The following GRID2 variants were observed in gnomAD, a reference collection of about 807,000 sequenced individuals.
The protein encoded by GRID2 is glutamate ionotropic receptor delta type subunit 2.
GRID2 carries 33 observed loss-of-function variants against 114.8 expected under a neutral mutation model. The ratio of observed to expected loss-of-function variants is 0.29; its 90% CI spans 0.22 to 0.38. GRID2 has a LOEUF of 0.38. Among genes scored for constraint, GRID2 ranks in the 10% least tolerant of loss-of-function variants. GRID2 has a pLI of 1.00. For missense variants in GRID2, 1,184 were observed against 1,257.7 expected (o/e 0.94, Z 0.89); for synonymous variants, 505 against 449.9 (o/e 1.12, Z -1.55).
intron 6 of GRID2, among the ~76,000 whole-genome samples, chr4:93,219,820 G>T (rs1744667283): frequency 6.6e-6 from 1 of 152,144 alleles, no homozygotes; most frequent in African/African-American, 2.4e-5. Context: ...TAATACTTTT[G>T]CTCCTTTCTC....
chr4:93,076,610 C>CTTT (rs56357327), intron 2 of GRID2, among the ~76,000 whole-genome samples: 9 of 96,994 alleles, frequency 9.3e-5, no homozygotes, highest in Non-Finnish European at 1.1e-4. Context: ...TCACCAACCT[C>CTTT]TTTTTTTTTT....
intron 12 of GRID2, among the ~76,000 whole-genome samples, chr4:93,491,967 C>T (rs1727051204): frequency 6.6e-6 from 1 of 151,814 alleles, no homozygotes; most frequent in Admixed American, 6.6e-5. Context: ...CTCATGAAAT[C>T]ATGCTGCTCA....
intron 1 of GRID2, among the ~76,000 whole-genome samples, chr4:92,348,835 A>C (rs1190247856): frequency 1.3e-5 from 2 of 152,142 alleles, no homozygotes; most frequent in Non-Finnish European, 2.9e-5. Flanking sequence ...AACTCTGTGG[A>C]ATTATAGTAG....
intron 2 of GRID2, among the ~76,000 whole-genome samples, chr4:92,720,044 A>G (rs2149316704): frequency 6.6e-6 from 1 of 152,262 alleles, no homozygotes; most frequent in South Asian, 2.1e-4. Flanking sequence ...ACATATATTA[A>G]GAATTGATTC....
rs555246126 is a variant in GRID2, at chr4:93,296,289, C to T, written c.1245+57799C>T. Among the ~76,000 whole-genome samples, 68 of 152,164 alleles carry T rather than the reference C, an allele frequency of 4.5e-4. 1 individual carries two copies. The highest frequency in any genetic ancestry group is 8.1e-4 in the Non-Finnish European group (55 of 68,004). On this transcript the variant is annotated intron_variant, in intron 8 of 15. Coordinates refer to ENST00000282020, the MANE Select transcript of GRID2 (RefSeq NM_001510.4). ...TAATAAGGAAATGTGATTGGATTTA[C>T]GGATCCCCCCCTCCCACCCCACAGA...
At chr4:92,833,939 C>T (rs1742287169) in intron 2 of GRID2, 1 of 152,166 alleles carries the variant, frequency 6.6e-6, no homozygotes, top group Non-Finnish European at 1.5e-5. Flanking sequence ...ACATGGAAAA[C>T]TAACTGCTTT....
chr4:93,546,864 T>G (rs1213064749), intron 13 of GRID2, among the ~76,000 whole-genome samples: 4 of 152,184 alleles, frequency 2.6e-5, no homozygotes, highest in African/African-American at 9.6e-5. Flanking sequence ...GAGGTCCTGG[T>G]ACCTACTCTT....
chr4:93,521,989 G>A (rs577310539), intron 13 of GRID2, among the ~76,000 whole-genome samples: 6 of 152,272 alleles, frequency 3.9e-5, no homozygotes, highest in Non-Finnish European at 5.9e-5. Context: ...GACATATACA[G>A]TATCTGTATA....
chr4:93,192,900 T>G (rs1741128555), intron 4 of GRID2, among the ~76,000 whole-genome samples: 1 of 152,182 alleles, frequency 6.6e-6, no homozygotes. Flanking sequence ...ATGAGATAAT[T>G]ATTTGTTCTG....
intron 14 of GRID2, among the ~76,000 whole-genome samples, chr4:93,648,300 G>A (rs941509729): frequency 5.3e-5 from 8 of 152,074 alleles, no homozygotes; most frequent in African/African-American, 1.2e-4. Flanking sequence ...ATGGATTTAG[G>A]ATTTATCAAT....
chr4:93,650,131 TTAAA>T (rs1294024935), intron 14 of GRID2, among the ~76,000 whole-genome samples: 1 of 152,056 alleles, frequency 6.6e-6, no homozygotes, highest in African/African-American at 2.4e-5. Context: ...CTATCTCACT[TTAAA>T]TAGCCTGTCC....
rs114195300 is a variant in GRID2, at chr4:93,359,740, A to G, written c.1246-35867A>G. On this transcript the variant is annotated intron_variant, in intron 8 of 15. Transcript: ENST00000282020. ...GCTTGGCTATGGTATTTGCTTAGCA[A>G]ATGAAACAGTAGCTCCAACATCATG... 5.8e-3 allele frequency among the ~76,000 whole-genome samples: 807 copies of G among 140,126 alleles called. 7 individuals are homozygous for G. Among genetic ancestry groups the G allele is most frequent in the African/African-American group, 0.02 (765 of 38,398 alleles). The allele number at this position is 140,126 out of a possible 152,430, so 91.9% of individuals were successfully genotyped here.
chr4:93,177,950 A>G (rs910791613), intron 4 of GRID2, among the ~76,000 whole-genome samples: 12 of 151,926 alleles, frequency 7.9e-5, no homozygotes, highest in Non-Finnish European at 1.8e-4. Flanking sequence ...ATAAAAAACT[A>G]CTATTTGTCA....
chr4:93,499,652 C>A (rs977239794), intron 12 of GRID2, among the ~76,000 whole-genome samples: 2 of 151,816 alleles, frequency 1.3e-5, no homozygotes, highest in African/African-American at 2.4e-5. Context: ...CTTCTCTTTG[C>A]GATTTTAAGT....
chr4:93,538,077 T>G (rs1191601981), intron 13 of GRID2, among the ~76,000 whole-genome samples: 3 of 151,916 alleles, frequency 2.0e-5, no homozygotes, highest in African/African-American at 7.2e-5. Context: ...TTTTATTCGT[T>G]TATTAAAAAT....
intron 2 of GRID2, among the ~76,000 whole-genome samples, chr4:92,658,912 A>G (rs2149267629): frequency 6.8e-6 from 1 of 147,822 alleles, no homozygotes; most frequent in South Asian, 2.3e-4. Context: ...ACACATTTGC[A>G]TGTAGACATA....
chr4:93,694,203 C>G (rs905353238), intron 14 of GRID2, among the ~76,000 whole-genome samples: 1 of 152,166 alleles, frequency 6.6e-6, no homozygotes, highest in African/African-American at 2.4e-5. Context: ...ATTGCACTTT[C>G]ATTTCTGTGA....
rs148225197 is a variant in GRID2, at chr4:92,704,265, A to G, written c.244+113979A>G. Among the ~76,000 whole-genome samples the G allele has an allele frequency of 9.9e-4, 151 of 152,218 alleles. 1 individual carries two copies. The highest frequency in any genetic ancestry group is 1.7e-3 in the Non-Finnish European group (114 of 68,002). Reference sequence around the variant, plus strand: ...TGCACTCCAGCCTGGGCGACAGAGCAAGACTCCATCTCAAAATGATAATAA... The same window carrying G: ...TGCACTCCAGCCTGGGCGACAGAGCGAGACTCCATCTCAAAATGATAATAA... On this transcript the variant is annotated intron_variant, in intron 2 of 15. Transcript: ENST00000282020.
intron 14 of GRID2, among the ~76,000 whole-genome samples, chr4:93,692,940 C>T (rs1057176600): frequency 1.3e-5 from 2 of 152,120 alleles, no homozygotes; most frequent in East Asian, 3.9e-4. Context: ...TGATTGCCTA[C>T]AAGTATCATT....
Sources: gnomAD v4.1 joint callset for allele counts (sites outside exome capture counted in the v4.1 genomes callset) on GRCh38, gnomAD v4.1.1 for gene constraint, MANE v1.5 for transcripts, NCBI Gene and HGNC (gene_info 2026-07-23, HGNC 2026-07-21) for gene names.